PPP2R2B: variants seen among roughly 807,000 people sequenced by gnomAD.
PPP2R2B encodes the protein protein phosphatase 2 regulatory subunit Bbeta.
A neutral mutation model predicts 46.0 loss-of-function variants in PPP2R2B; 5 were observed. The ratio of observed to expected loss-of-function variants is 0.11; its 90% CI spans 0.06 to 0.23. The LOEUF is 0.23. PPP2R2B is among the 10% of genes least tolerant of loss of function. The pLI, the probability that PPP2R2B is intolerant of heterozygous loss-of-function variation, is 1.00. For synonymous variants in PPP2R2B, 215 were observed against 206.7 expected, an observed-to-expected ratio of 1.04 and a Z score of -0.34; for missense variants, 367 against 575.0, an observed-to-expected ratio of 0.64 and a Z score of 3.70.
chr5:147,037,445 G>T (rs560359992), intron 1 of PPP2R2B, among the ~76,000 whole-genome samples: 1 of 151,528 alleles, frequency 6.6e-6, no homozygotes. Flanking sequence ...TGTATATATA[G>T]GTATGTAATT....
chr5:146,772,537 C>T (rs193898), intron 2 of PPP2R2B, among the ~76,000 whole-genome samples: 129,655 of 151,334 alleles, frequency 0.86, 55,577 homozygotes, highest in East Asian at 0.89. Flanking sequence ...ATAACAACTT[C>T]TTTGTCTATA....
Position 146,864,307 on chromosome 5 carries a change from C to G in PPP2R2B, c.70+13695G>C, listed in dbSNP as rs1010931565. The stretch of plus-strand genomic sequence containing the variant: ...AGTTTTGGGAGAAGACTAGAGATGT[C>G]TGGAAGTCTAAAGTCATTGATAGTT... On this transcript the variant is annotated intron_variant, in intron 2 of 9. Transcript: ENST00000394411. Among the ~76,000 whole-genome samples the G allele has an allele frequency of 1.3e-4, 19 of 140,838 alleles. No homozygotes were observed. In the East Asian group the frequency reaches 4.0e-3, roughly 30 times the overall value. 92.4% of individuals were successfully genotyped at this position (140,838 alleles called of 152,430 possible).
chr5:146,643,891 C>G (rs1211600813), intron 6 of PPP2R2B, among the ~76,000 whole-genome samples: 1 of 152,220 alleles, frequency 6.6e-6, no homozygotes, highest in African/African-American at 2.4e-5. Context: ...AAGGACCATG[C>G]AGCAAGTATT....
intron 2 of PPP2R2B, among the ~76,000 whole-genome samples, chr5:146,745,579 T>C (rs2151227344): frequency 6.6e-6 from 1 of 152,308 alleles, no homozygotes; most frequent in African/African-American, 2.4e-5. Context: ...AGTCACTGAA[T>C]CTCTTTGAAC....
chr5:146,727,770 T>C (rs548210073), intron 2 of PPP2R2B, among the ~76,000 whole-genome samples: 2 of 152,300 alleles, frequency 1.3e-5, no homozygotes, highest in South Asian at 4.1e-4. Flanking sequence ...ATCACCAAGT[T>C]GTGCAGATCT....
upstream of PPP2R2B, chr5:146,878,893 G>A: frequency 8.7e-7 from 1 of 1,154,212 alleles, no homozygotes; most frequent in Non-Finnish European, 1.1e-6. This position sits in a 1 kb window ranked among gnomAD's most constrained non-coding sequence, Gnocchi z 4.5. Context: ...TGGGGCGCAT[G>A]CAGCCGCGAA....
At chr5:146,732,845 A>G (rs1752312963) in intron 2 of PPP2R2B, among the ~76,000 whole-genome samples, 1 of 152,184 alleles carries the variant, frequency 6.6e-6, no homozygotes, top group Non-Finnish European at 1.5e-5. Context: ...TATAGACTGT[A>G]GCTGGGGCAC....
At chr5:146,751,886 C>T (rs1259026878) in intron 2 of PPP2R2B, among the ~76,000 whole-genome samples, 1 of 152,040 alleles carries the variant, frequency 6.6e-6, no homozygotes, top group Non-Finnish European at 1.5e-5. Flanking sequence ...GTGCAAAGAG[C>T]CTGACGCAGG....
At chr5:146,953,278 T>C (rs1473748507) in intron 1 of PPP2R2B, among the ~76,000 whole-genome samples, 2 of 152,204 alleles carry the variant, frequency 1.3e-5, no homozygotes, top group Non-Finnish European at 2.9e-5. Flanking sequence ...CATACACATA[T>C]ACTTACACAG....
At chr5:146,807,002 C>T (rs1582148821) in intron 2 of PPP2R2B, among the ~76,000 whole-genome samples, 2 of 152,162 alleles carry the variant, frequency 1.3e-5, no homozygotes, top group Admixed American at 6.5e-5. Flanking sequence ...GTCTTATGAC[C>T]TAGGTGCTCT....
At chr5:146,876,420 CTT>C (rs1761901651) in intron 2 of PPP2R2B, among the ~76,000 whole-genome samples, 2 of 99,460 alleles carry the variant, frequency 2.0e-5, no homozygotes, top group African/African-American at 8.7e-5. Context: ...AGGCAGCTCT[CTT>C]TCTTTGTGGT....
At chr5:146,645,961 T>A (rs1285564371) in intron 6 of PPP2R2B, among the ~76,000 whole-genome samples, 1 of 152,200 alleles carries the variant, frequency 6.6e-6, no homozygotes, top group Non-Finnish European at 1.5e-5. Flanking sequence ...TCTCCACACC[T>A]CTTTGCCAAG....
At chr5:146,799,809 T>C (rs922291299) in intron 2 of PPP2R2B, among the ~76,000 whole-genome samples, 1 of 152,230 alleles carries the variant, frequency 6.6e-6, no homozygotes, top group Non-Finnish European at 1.5e-5. Flanking sequence ...CAGGAGGCCC[T>C]GGAGATGTTT....
chr5:147,056,390 C>A (rs1757084171), upstream of PPP2R2B, among the ~76,000 whole-genome samples: 1 of 152,146 alleles, frequency 6.6e-6, no homozygotes, highest in Non-Finnish European at 1.5e-5. Flanking sequence ...AAGCCAAAAG[C>A]TGGATTGAGT....
At chr5:146,634,524 G>A (rs558792976) in intron 7 of PPP2R2B, among the ~76,000 whole-genome samples, 5 of 151,996 alleles carry the variant, frequency 3.3e-5, no homozygotes, top group South Asian at 4.2e-4. Context: ...TAGTAGAGAC[G>A]GGGTTTCACC....
chr5:146,633,199 G>C (rs569729012), intron 7 of PPP2R2B, among the ~76,000 whole-genome samples: 1 of 152,232 alleles, frequency 6.6e-6, no homozygotes, highest in Non-Finnish European at 1.5e-5. Context: ...TGAGTATGCA[G>C]AGTGAGGGAC....
At chr5:146,869,229 C>A (rs1198686600) in intron 2 of PPP2R2B, among the ~76,000 whole-genome samples, 1 of 152,148 alleles carries the variant, frequency 6.6e-6, no homozygotes. Flanking sequence ...TAGAAGACCA[C>A]AGATTTCTGA....
chr5:146,591,400 G>A (rs541151259), intron 9 of PPP2R2B, among the ~76,000 whole-genome samples: 1 of 152,136 alleles, frequency 6.6e-6, no homozygotes, highest in Middle Eastern at 3.4e-3. Context: ...CTGTGTACTC[G>A]AGTGGACTGT....
intron 1 of PPP2R2B, among the ~76,000 whole-genome samples, chr5:146,992,523 T>A (rs1216493885): frequency 6.6e-6 from 1 of 152,184 alleles, no homozygotes; most frequent in Non-Finnish European, 1.5e-5. Context: ...GGCTTGTTTC[T>A]GTTGGGTGGT....
Sources: gnomAD v4.1 joint callset for allele counts (sites outside exome capture counted in the v4.1 genomes callset) on GRCh38, gnomAD v4.1.1 for gene constraint, Gnocchi (gnomAD v3.1) non-coding constraint, MANE v1.5 for transcripts, NCBI Gene and HGNC (gene_info 2026-07-23, HGNC 2026-07-21) for gene names.